KCNIP4: variants seen among roughly 807,000 people sequenced by gnomAD.
KCNIP4 encodes the protein potassium voltage-gated channel interacting protein 4.
A neutral mutation model predicts 34.0 loss-of-function variants in KCNIP4; 12 were observed. The ratio of observed to expected loss-of-function variants is 0.35; its 90% CI spans 0.23 to 0.57. The LOEUF is 0.57. KCNIP4 is among the 20% of genes least tolerant of loss of function. The pLI is 0.83. For synonymous variants in KCNIP4, 124 were observed against 102.2 expected (o/e 1.21, Z -1.29); for missense variants, 238 against 311.7 (o/e 0.76, Z 1.78).
At chr4:21,714,784 TGA>T (rs1491413728) in intron 1 of KCNIP4, among the ~76,000 whole-genome samples, 1 of 46,750 alleles carries the variant, frequency 2.1e-5, no homozygotes, top group Non-Finnish European at 3.4e-5. Flanking sequence ...AATTTCCCTT[TGA>T]TTATTTTATT....
intron 1 of KCNIP4, among the ~76,000 whole-genome samples, chr4:21,906,461 G>T (rs1728007247): frequency 6.6e-6 from 1 of 152,186 alleles, no homozygotes; most frequent in African/African-American, 2.4e-5. Context: ...ACCAGACTCT[G>T]GAAGAGGCAA....
intron 3 of KCNIP4, among the ~76,000 whole-genome samples, chr4:20,763,031 T>C (rs764353090): frequency 5.3e-5 from 8 of 152,102 alleles, no homozygotes; most frequent in Non-Finnish European, 1.2e-4. Flanking sequence ...CACCCACTTA[T>C]CACGAGAACA....
chr4:21,869,779 T>TAGACAGAC (rs1330509204), intron 1 of KCNIP4, among the ~76,000 whole-genome samples: 92 of 121,840 alleles, frequency 7.6e-4, no homozygotes, highest in East Asian at 4.5e-3. Flanking sequence ...GATAGATAGA[T>TAGACAGAC]AGATAGACAG....
chr4:21,894,329 A>C (rs966842384), intron 1 of KCNIP4, among the ~76,000 whole-genome samples: 1 of 151,374 alleles, frequency 6.6e-6, no homozygotes, highest in African/African-American at 2.4e-5. Context: ...AGTGAGACCC[A>C]GTCTCAAATA....
chr4:20,958,188 C>T (rs1239298479), intron 1 of KCNIP4, among the ~76,000 whole-genome samples: 1 of 152,184 alleles, frequency 6.6e-6, no homozygotes, highest in Non-Finnish European at 1.5e-5. Context: ...GTGAAATTCA[C>T]CAGACTGAGG....
intron 4 of KCNIP4, among the ~76,000 whole-genome samples, chr4:20,753,978 G>T (rs1263750585): frequency 6.6e-6 from 1 of 152,040 alleles, no homozygotes; most frequent in African/African-American, 2.4e-5. Context: ...CAACATAAGT[G>T]CATTCCTACA....
chr4:20,802,125 ATATATATGC>A (rs1474728586), intron 3 of KCNIP4, among the ~76,000 whole-genome samples: 142 of 137,700 alleles, frequency 1.0e-3, no homozygotes, highest in African/African-American at 3.4e-3. Flanking sequence ...TATATATGCT[ATATATATGC>A]TATATATGCT....
intron 1 of KCNIP4, among the ~76,000 whole-genome samples, chr4:21,678,933 C>T (rs372801052): frequency 6.3e-4 from 96 of 152,194 alleles, no homozygotes; most frequent in Non-Finnish European, 1.0e-3. Context: ...AGGATGGGCC[C>T]TAATCCAATC....
intron 1 of KCNIP4, among the ~76,000 whole-genome samples, chr4:21,418,143 G>A (rs952159794): frequency 9.7e-4 from 112 of 115,206 alleles, no homozygotes; most frequent in African/African-American, 3.7e-3. Flanking sequence ...CTATCTATTT[G>A]TCTATCGATC....
chr4:21,741,237 A>G (rs1488543198), intron 1 of KCNIP4, among the ~76,000 whole-genome samples: 4 of 152,182 alleles, frequency 2.6e-5, no homozygotes, highest in African/African-American at 9.6e-5. Context: ...GTAGGCCTCC[A>G]GCCATGGCAG....
At chr4:21,316,935 G>C (rs947165580) in intron 1 of KCNIP4, among the ~76,000 whole-genome samples, 23 of 152,180 alleles carry the variant, frequency 1.5e-4, no homozygotes, top group Non-Finnish European at 2.5e-4. Flanking sequence ...GTCAGCTTCT[G>C]TTCTGGGAAT....
chr4:21,456,714 A>G (rs1370842456), intron 1 of KCNIP4, among the ~76,000 whole-genome samples: 1 of 130,810 alleles, frequency 7.6e-6, no homozygotes, highest in Admixed American at 7.1e-5. Context: ...TCCAGCCTTT[A>G]CAGCTCCATG....
At chr4:20,889,155 A>G (rs2149533531) in intron 1 of KCNIP4, among the ~76,000 whole-genome samples, 1 of 152,248 alleles carries the variant, frequency 6.6e-6, no homozygotes, top group Non-Finnish European at 1.5e-5. Flanking sequence ...ACTTGTGAGG[A>G]TAATCATATT....
chr4:21,561,910 A>C (rs2109034145), intron 1 of KCNIP4, among the ~76,000 whole-genome samples: 1 of 152,134 alleles, frequency 6.6e-6, no homozygotes, highest in East Asian at 1.9e-4. Flanking sequence ...GCCCTGGCTC[A>C]AAAGGTAAAC....
At chr4:20,737,946 A>G (rs1414736205) in intron 5 of KCNIP4, among the ~76,000 whole-genome samples, 1 of 152,142 alleles carries the variant, frequency 6.6e-6, no homozygotes, top group Admixed American at 6.6e-5. Flanking sequence ...AGCCTGAGCA[A>G]CGCAGCCAGA....
chr4:21,845,310 G>T (rs1723943709), intron 1 of KCNIP4: 1 of 152,062 alleles, frequency 6.6e-6, no homozygotes, highest in South Asian at 2.1e-4. Flanking sequence ...AATTAGTGTG[G>T]CTATATTCCA....
intron 1 of KCNIP4, among the ~76,000 whole-genome samples, chr4:21,507,551 C>A (rs1257798035): frequency 6.6e-6 from 1 of 152,140 alleles, no homozygotes; most frequent in Non-Finnish European, 1.5e-5. Flanking sequence ...GCCACTGCAC[C>A]AGGCCAGGCA....
chr4:21,659,925 G>A (rs1748307450), intron 1 of KCNIP4, among the ~76,000 whole-genome samples: 1 of 152,100 alleles, frequency 6.6e-6, no homozygotes, highest in Non-Finnish European at 1.5e-5. Flanking sequence ...ACAAGAGTTT[G>A]TTTCCCTTTT....
At chr4:21,058,076 T>C (rs1743576554) in intron 1 of KCNIP4, among the ~76,000 whole-genome samples, 1 of 152,162 alleles carries the variant, frequency 6.6e-6, no homozygotes, top group Non-Finnish European at 1.5e-5. Context: ...TTGGCCAGTA[T>C]ATATCTTAGG....
Sources: gnomAD v4.1 joint callset for allele counts (sites outside exome capture counted in the v4.1 genomes callset) on GRCh38, gnomAD v4.1.1 for gene constraint, MANE v1.5 for transcripts, NCBI Gene and HGNC (gene_info 2026-07-23, HGNC 2026-07-21) for gene names.